The following NSD2 variants were observed in gnomAD, a reference collection of about 807,000 sequenced individuals.
NSD2 encodes nuclear receptor binding SET domain protein 2.
NSD2 carries 12 observed loss-of-function variants against 139.0 expected under a neutral mutation model. That is an observed-to-expected ratio of 0.09 (90% CI 0.06 to 0.14). The LOEUF (loss-of-function observed/expected upper bound fraction) is 0.14. Ranked by LOEUF, NSD2 falls within the 10% of genes least tolerant of loss-of-function variation. The pLI is 1.00. For synonymous variants in NSD2, 669 were observed against 648.7 expected (o/e 1.03, Z -0.48); for missense variants, 1,155 against 1,745.0 (o/e 0.66, Z 6.02).
At chr4:1,897,390 T>C (rs1189812136) in intron 1 of NSD2, among the ~76,000 whole-genome samples, 1 of 151,696 alleles carries the variant, frequency 6.6e-6, no homozygotes, top group African/African-American at 2.4e-5. Context: ...GAGGCTGAGA[T>C]GGGAGGATTG....
At chr4:1,968,687 A>G (rs142545290) in intron 18 of NSD2, among the ~76,000 whole-genome samples, 11 of 152,350 alleles carry the variant, frequency 7.2e-5, no homozygotes, top group African/African-American at 2.4e-4. Context: ...GTTTAAATGT[A>G]TAAGTTAAGA....
intron 5 of NSD2, among the ~76,000 whole-genome samples, chr4:1,925,620 A>G (rs1720794103): frequency 6.6e-6 from 1 of 151,022 alleles, no homozygotes; most frequent in Non-Finnish European, 1.5e-5. Flanking sequence ...GCTGGTCTTG[A>G]ACTCCTGACC....
At chr4:1,950,357 C>T (rs964290844) in intron 9 of NSD2, among the ~76,000 whole-genome samples, 2 of 152,168 alleles carry the variant, frequency 1.3e-5, no homozygotes, top group Admixed American at 6.5e-5. Context: ...TTATCCCAGG[C>T]CTTTTACCTA....
At chr4:1,924,883 C>T (rs996108819) in intron 5 of NSD2, among the ~76,000 whole-genome samples, 5 of 152,118 alleles carry the variant, frequency 3.3e-5, no homozygotes, top group African/African-American at 1.2e-4. Context: ...GCCATCATTG[C>T]GCCACTGCAC....
intron 6 of NSD2, 26 bp downstream of exon 6, chr4:1,930,796 C>A: frequency 6.2e-7 from 1 of 1,604,320 alleles, no homozygotes. Context: ...TGCTGATGTC[C>A]TCTGCTTGGG....
Position 1,944,308 on chromosome 4 carries a change from G to A in NSD2, c.1881+4530G>A, listed in dbSNP as rs567029039. The A allele has an allele frequency of 5.6e-6, 6 of 1,066,318 alleles. No homozygotes were observed. The South Asian group carries it at 2.3e-4, about 40-fold the overall frequency. 66.1% of individuals were successfully genotyped at this position (1,066,318 alleles called of 1,614,324 possible). On this transcript the variant is annotated intron_variant, in intron 9 of 21. Coordinates refer to ENST00000508803, the MANE Select transcript of NSD2 (RefSeq NM_001042424.3). Reference sequence around the variant, plus strand: ...CGGCTCTTGTTTGAAAGAACTTAGGGAGGACCATTGGCTTGCCAAGAGTAC... The same window carrying A: ...CGGCTCTTGTTTGAAAGAACTTAGGAAGGACCATTGGCTTGCCAAGAGTAC...
At position 1,980,686 on chromosome 4, in the gene NSD2, C is replaced by T. The variant is rs886059330; in HGVS notation, c.*1777C>T. On this transcript the variant is annotated 3_prime_UTR_variant, in exon 22 of 22. Coordinates refer to ENST00000508803, the MANE Select transcript of NSD2 (RefSeq NM_001042424.3). ...ACTGGCTGGTGGCTGTCCCTTCTCC[C>T]ATCAGGGTCCCCAGCAAAGTTAACT... The T allele has an allele frequency of 1.7e-5, 4 of 233,126 alleles. No individual in the cohort carries two copies. Among genetic ancestry groups the T allele is most frequent in the Non-Finnish European group, 2.5e-5 (3 of 118,062 alleles). The allele number at this position is 233,126 out of a possible 1,614,324, so 14.4% of individuals were successfully genotyped here.
At chr4:1,925,032 G>C (rs1454522294) in intron 5 of NSD2, among the ~76,000 whole-genome samples, 4 of 152,198 alleles carry the variant, frequency 2.6e-5, no homozygotes, top group African/African-American at 9.6e-5. Flanking sequence ...CCCTCCCCTG[G>C]ACTCTGGCTG....
chr4:1,877,051 TC>T (rs1235680981), intron 1 of NSD2, among the ~76,000 whole-genome samples: 4 of 151,574 alleles, frequency 2.6e-5, no homozygotes, highest in Non-Finnish European at 5.9e-5. Flanking sequence ...GCAGGAGACT[TC>T]CCTGAGCCTG....
At chr4:1,967,858 A>C (rs554150609) in intron 18 of NSD2, among the ~76,000 whole-genome samples, 1 of 152,118 alleles carries the variant, frequency 6.6e-6, no homozygotes, top group East Asian at 1.9e-4. Flanking sequence ...CTGGCATCTC[A>C]TTGTAACCAT....
At chr4:1,875,889 A>T (rs1714219482) in intron 1 of NSD2, among the ~76,000 whole-genome samples, 1 of 148,700 alleles carries the variant, frequency 6.7e-6, no homozygotes, top group African/African-American at 2.5e-5. Flanking sequence ...AGCCTGGGAG[A>T]CAGCGAGACT....
At chr4:1,902,265 T>C (rs914692520) in intron 2 of NSD2, among the ~76,000 whole-genome samples, 1 of 152,166 alleles carries the variant, frequency 6.6e-6, no homozygotes, top group African/African-American at 2.4e-5. Flanking sequence ...GTCTCTGTTG[T>C]CCAGGCTAGA....
chr4:1,902,003 A>G (rs562150266), intron 2 of NSD2, among the ~76,000 whole-genome samples: 11 of 152,318 alleles, frequency 7.2e-5, no homozygotes, highest in Non-Finnish European at 1.0e-4. Flanking sequence ...AGTATAAGCC[A>G]TAGGAAACAA....
chr4:1,974,691 A>C lies in NSD2; in HGVS notation c.3373-172A>C. ...GGTCCTGACCTGTCCTCTGTGAGCAAGAGAAACAGGACTGGTTTGGGGGTG... is the reference window on the plus strand; with the variant it reads ...GGTCCTGACCTGTCCTCTGTGAGCACGAGAAACAGGACTGGTTTGGGGGTG... On this transcript the variant is annotated intron_variant, in intron 18 of 21. Coordinates refer to ENST00000508803, the MANE Select transcript of NSD2 (RefSeq NM_001042424.3). The surrounding 1 kb of genome is among the most constrained non-coding windows in gnomAD (Gnocchi z 4.0). 3.6e-5 allele frequency: 34 copies of C among 944,404 alleles called. No individual in the cohort carries two copies. Among genetic ancestry groups the C allele is most frequent in the Non-Finnish European group, 5.0e-5 (29 of 584,740 alleles). 58.5% of individuals were successfully genotyped at this position (944,404 alleles called of 1,614,324 possible).
At chr4:1,936,084 A>C (rs1302659220) in intron 7 of NSD2, among the ~76,000 whole-genome samples, 1 of 152,206 alleles carries the variant, frequency 6.6e-6, no homozygotes, top group Non-Finnish European at 1.5e-5. Flanking sequence ...GCTGTGCAGG[A>C]AAAGTGCAGC....
rs112361822 is a variant in NSD2, at chr4:1,930,058, C to T, written c.1411-568C>T. ...AGCATGCTCCGGGTGCTGATGCTGG[C>T]AGCCCTGGTGTGGCTGGAGGGTAGG... On this transcript the variant is annotated intron_variant, in intron 5 of 21. Transcript: ENST00000508803. 6.4e-3 allele frequency among the ~76,000 whole-genome samples: 980 copies of T among 152,300 alleles called. 7 individuals carry two copies. Among genetic ancestry groups the T allele is most frequent in the African/African-American group, 0.022 (904 of 41,566 alleles).
At chr4:1,939,832 T>G (rs958520645) in intron 9 of NSD2, 54 bp downstream of exon 9, 20 of 1,612,558 alleles carry the variant, frequency 1.2e-5, no homozygotes, top group Middle Eastern at 1.6e-4. Context: ...GCCATTTAGC[T>G]GCCCACGCTG....
At chr4:1,891,251 G>A (rs1715517314) in intron 1 of NSD2, among the ~76,000 whole-genome samples, 1 of 152,170 alleles carries the variant, frequency 6.6e-6, no homozygotes, top group Admixed American at 6.6e-5. Context: ...TGATAGCAGG[G>A]CTGAAATATA....
rs1239364624 is a variant in NSD2 at position 1,956,789 on chromosome 4, C to G, written c.2881+601C>G. ...GAAAACCCGAGGTGTGTGCATGTGGCTCGTTCAGGGAGAAGCACACGCTGT... is the reference window on the plus strand; with the variant it reads ...GAAAACCCGAGGTGTGTGCATGTGGGTCGTTCAGGGAGAAGCACACGCTGT... On this transcript the variant is annotated intron_variant, in intron 15 of 21. Coordinates refer to ENST00000508803, the MANE Select transcript of NSD2 (RefSeq NM_001042424.3). The surrounding 1 kb of genome is among the most constrained non-coding windows in gnomAD (Gnocchi z 5.3). Among the ~76,000 whole-genome samples, 1 of 152,216 alleles carries G rather than the reference C, an allele frequency of 6.6e-6. No individual in the cohort carries two copies. Among genetic ancestry groups the G allele is most frequent in the Non-Finnish European group, 1.5e-5 (1 of 68,042 alleles).
Sources: gnomAD v4.1 joint callset for allele counts (sites outside exome capture counted in the v4.1 genomes callset) on GRCh38, gnomAD v4.1.1 for gene constraint, Gnocchi (gnomAD v3.1) non-coding constraint, MANE v1.5 for transcripts, NCBI Gene and HGNC (gene_info 2026-07-23, HGNC 2026-07-21) for gene names.